PLXNA4: variants seen among roughly 807,000 people sequenced by gnomAD.
PLXNA4 encodes the protein plexin A4, also known as plexin-A4.
In PLXNA4, 44 loss-of-function variants were observed where a neutral mutation model predicts 191.8. The observed-to-expected ratio is 0.23, with a 90% confidence interval of 0.18 to 0.29. The LOEUF (loss-of-function observed/expected upper bound fraction) is 0.29, where lower values mean the gene tolerates loss of function less well. Ranked by LOEUF, PLXNA4 falls within the 10% of genes least tolerant of loss-of-function variation. The pLI is 1.00. For synonymous variants in PLXNA4, 1,082 were observed against 1,009.5 expected, an observed-to-expected ratio of 1.07 and a Z score of -1.36; for missense variants, 1,800 against 2,488.8, an observed-to-expected ratio of 0.72 and a Z score of 5.89.
rs549714136 is a variant in PLXNA4, at chr7:132,225,090, A to T, written c.1982+1071T>A. ...TTTAATCAGAGGAGCTCCTGCTTCC[A>T]TCTATTCTGTATATTGGGCATCCAC... On this transcript the variant is annotated intron_variant, in intron 8 of 31. Transcript: ENST00000321063. Among the ~76,000 whole-genome samples the T allele has an allele frequency of 2.0e-5, 3 of 152,266 alleles. No individual in the cohort carries two copies. The South Asian group carries it at 6.2e-4, about 32-fold the overall frequency.
At chr7:132,331,194 G>A (rs1802577217) in intron 3 of PLXNA4, among the ~76,000 whole-genome samples, 1 of 152,240 alleles carries the variant, frequency 6.6e-6, no homozygotes. Context: ...AGAGCAATCA[G>A]GAGGCAGAGA....
Position 132,198,531 on chromosome 7 carries a change from C to T in PLXNA4, c.2692G>A (p.Gly898Ser), listed in dbSNP as rs1797326493. ...RDIASHVKVA[G>S]VECSPLVDGY... is the part of the protein sequence containing the mutation. The stretch of plus-strand genomic sequence containing the variant: ...TCCACTAAAGGGCTGCACTCCACGC[C>T]AGCAACCTTGACATGGGAGGCGATG... Residue 898 changes from glycine to serine, a missense_variant, in exon 13 of 32, where the codon GGC (glycine) becomes AGC (serine). Gly to Ser is a moderately conservative substitution (Grantham distance 56, BLOSUM62 0). Coordinates refer to ENST00000321063, the MANE Select transcript of PLXNA4 (RefSeq NM_020911.2). 6.2e-7 allele frequency: 1 copy of T among 1,614,250 alleles called. No homozygotes were observed. Among genetic ancestry groups the T allele is most frequent in the Non-Finnish European group, 8.5e-7 (1 of 1,180,048 alleles).
chr7:132,200,395 G>A (rs1216805769), intron 12 of PLXNA4, among the ~76,000 whole-genome samples: 1 of 152,152 alleles, frequency 6.6e-6, no homozygotes, highest in Non-Finnish European at 1.5e-5. Context: ...GGAGGACATG[G>A]GCCCAGGTAT....
chr7:132,633,235 ACAATTTGCTC>A (rs1433954104), intron 2 of PLXNA4, among the ~76,000 whole-genome samples: 3 of 151,980 alleles, frequency 2.0e-5, no homozygotes, highest in African/African-American at 2.4e-5. Context: ...GAGGACAAAC[ACAATTTGCTC>A]CAGGTGATTG....
At chr7:132,161,488 C>T (rs761755697) in intron 24 of PLXNA4, among the ~76,000 whole-genome samples, 21 of 152,194 alleles carry the variant, frequency 1.4e-4, no homozygotes, top group Admixed American at 9.2e-4. Context: ...GCCTCTCAAA[C>T]GCTAATGTGA....
intron 1 of PLXNA4, among the ~76,000 whole-genome samples, chr7:132,541,697 A>G (rs1283159429): frequency 6.6e-6 from 1 of 152,246 alleles, no homozygotes; most frequent in Non-Finnish European, 1.5e-5. Context: ...CTTGAGCACC[A>G]TTTTCGAGGA....
intron 3 of PLXNA4, among the ~76,000 whole-genome samples, chr7:132,424,530 C>T (rs1381380981): frequency 6.6e-6 from 1 of 152,020 alleles, no homozygotes; most frequent in African/African-American, 2.4e-5. Context: ...GTCAGTAGAA[C>T]CCCCCAGGCC....
chr7:132,259,719 A>G (rs2116230988), intron 4 of PLXNA4, among the ~76,000 whole-genome samples: 1 of 152,302 alleles, frequency 6.6e-6, no homozygotes. Context: ...CTTGGAAGCG[A>G]ACAAGGTGCC....
intron 13 of PLXNA4, among the ~76,000 whole-genome samples, chr7:132,196,419 A>G (rs1282912539): frequency 6.6e-6 from 1 of 152,214 alleles, no homozygotes; most frequent in Non-Finnish European, 1.5e-5. Context: ...TTCTCACTTA[A>G]TATACCTTGA....
intron 3 of PLXNA4, among the ~76,000 whole-genome samples, chr7:132,425,369 A>C (rs1370902809): frequency 6.6e-6 from 1 of 152,162 alleles, no homozygotes; most frequent in Admixed American, 6.5e-5. Flanking sequence ...TGTTTCTGGC[A>C]CTGACAGGGG....
chr7:132,632,161 G>T (rs918497752), intron 2 of PLXNA4, among the ~76,000 whole-genome samples: 16 of 150,668 alleles, frequency 1.1e-4, no homozygotes, highest in Admixed American at 9.3e-4. Context: ...ACTTGAACCC[G>T]GGAGGCGGAG....
intron 1 of PLXNA4, among the ~76,000 whole-genome samples, chr7:132,574,251 C>A (rs190648920): frequency 7.6e-4 from 116 of 152,306 alleles, no homozygotes; most frequent in African/African-American, 2.7e-3. Context: ...TGGAGGTCTA[C>A]AGGGAAGACA....
intron 1 of PLXNA4, among the ~76,000 whole-genome samples, chr7:132,565,248 C>A (rs1198708463): frequency 1.3e-5 from 2 of 152,226 alleles, no homozygotes; most frequent in East Asian, 3.8e-4. Context: ...AGAGGAGAAA[C>A]TGAGGCCTAG....
intron 24 of PLXNA4, among the ~76,000 whole-genome samples, chr7:132,160,034 G>A (rs1236932876): frequency 6.6e-6 from 1 of 152,066 alleles, no homozygotes. Flanking sequence ...GTGTCTCAGC[G>A]GCACACCCAG....
chr7:132,415,914 T>C (rs1794643500), intron 3 of PLXNA4, among the ~76,000 whole-genome samples: 1 of 152,196 alleles, frequency 6.6e-6, no homozygotes, highest in Admixed American at 6.5e-5. Flanking sequence ...ACAGATAAGT[T>C]TGATATAGAC....
chr7:132,536,355 A>T (rs1017768846), intron 1 of PLXNA4, among the ~76,000 whole-genome samples: 4 of 152,194 alleles, frequency 2.6e-5, no homozygotes, highest in African/African-American at 9.7e-5. Context: ...CAACAGACCA[A>T]GGGAGAAGTT....
chr7:132,574,618 A>G (rs1049263067), intron 1 of PLXNA4, among the ~76,000 whole-genome samples: 1 of 152,118 alleles, frequency 6.6e-6, no homozygotes, highest in Non-Finnish European at 1.5e-5. Context: ...TCTTCCCCCT[A>G]CTGGGGTCTC....
At chr7:132,568,449 T>A (rs549692054) in intron 1 of PLXNA4, among the ~76,000 whole-genome samples, 15 of 152,142 alleles carry the variant, frequency 9.9e-5, no homozygotes, top group Admixed American at 3.3e-4. Flanking sequence ...CTAATTGGAG[T>A]ACCCTGCCCT....
chr7:132,153,274 C>A (rs1795697381), intron 25 of PLXNA4, among the ~76,000 whole-genome samples: 2 of 152,224 alleles, frequency 1.3e-5, no homozygotes, highest in South Asian at 2.1e-4. Context: ...AGTTGAGAGG[C>A]TGGAGAGGTG....
Sources: allele counts gnomAD v4.1 joint callset (sites outside exome capture counted in the v4.1 genomes callset), GRCh38; gene constraint gnomAD v4.1.1; transcripts MANE v1.5; gene names NCBI Gene and HGNC (gene_info 2026-07-23, HGNC 2026-07-21).